The following MYO1D variants were observed in gnomAD, a reference collection of about 807,000 sequenced individuals.
MYO1D encodes unconventional myosin-Id.
Under a neutral mutation model 122.0 loss-of-function variants are expected in MYO1D, and 83 were observed. The ratio of observed to expected loss-of-function variants is 0.68; its 90% CI spans 0.57 to 0.82. The LOEUF is 0.82. Among genes scored for constraint, MYO1D ranks in the 40% least tolerant of loss-of-function variants. The probability of loss-of-function intolerance (pLI) is 0.00; values close to 1 mark genes in which losing one functional copy is unlikely to be tolerated. For missense variants in MYO1D, 1,157 were observed against 1,269.5 expected (o/e 0.91, Z 1.35); for synonymous variants, 464 against 446.9 (o/e 1.04, Z -0.48).
At chr17:32,803,996 G>A (rs949067658) in intron 1 of MYO1D, among the ~76,000 whole-genome samples, 7 of 152,196 alleles carry the variant, frequency 4.6e-5, no homozygotes, top group Non-Finnish European at 1.5e-5. Context: ...CTGAATGGAA[G>A]ATTTATCTAG....
intron 21 of MYO1D, among the ~76,000 whole-genome samples, chr17:32,536,153 C>T (rs1468071907): frequency 2.6e-5 from 4 of 152,194 alleles, no homozygotes. Context: ...CTGCCTCAGC[C>T]TCCCGGAGTA....
At chr17:32,534,442 G>A (rs1170427299) in intron 21 of MYO1D, among the ~76,000 whole-genome samples, 1 of 152,070 alleles carries the variant, frequency 6.6e-6, no homozygotes, top group East Asian at 1.9e-4. Flanking sequence ...TAAAGTGTTG[G>A]GTTTACAGGT....
At chr17:32,560,772 G>T (rs559332137) in intron 21 of MYO1D, among the ~76,000 whole-genome samples, 1 of 149,400 alleles carries the variant, frequency 6.7e-6, no homozygotes, top group Non-Finnish European at 1.5e-5. Flanking sequence ...GGCGTGTGCC[G>T]TCATTCCTAG....
intron 1 of MYO1D, among the ~76,000 whole-genome samples, chr17:32,838,789 T>G (rs988641576): frequency 6.6e-6 from 1 of 152,168 alleles, no homozygotes; most frequent in African/African-American, 2.4e-5. Flanking sequence ...GGAGCCCACT[T>G]AAGGGACTAT....
chr17:32,738,056 T>C (rs1247433423), intron 14 of MYO1D, among the ~76,000 whole-genome samples, 197 bp downstream of exon 14: 2 of 152,168 alleles, frequency 1.3e-5, no homozygotes, highest in Non-Finnish European at 2.9e-5. Flanking sequence ...CAGATACTAA[T>C]CTAGGACACC....
chr17:32,733,299 T>C (rs1292104539), intron 14 of MYO1D, among the ~76,000 whole-genome samples: 1 of 152,210 alleles, frequency 6.6e-6, no homozygotes, highest in Non-Finnish European at 1.5e-5. Context: ...GATAGTTTCC[T>C]AAGGAAAACA....
At chr17:32,723,130 C>G (rs1161238918) in intron 14 of MYO1D, among the ~76,000 whole-genome samples, 1 of 152,084 alleles carries the variant, frequency 6.6e-6, no homozygotes, top group African/African-American at 2.4e-5. Flanking sequence ...CACCCTGATT[C>G]CAGGGGGACA....
At chr17:32,651,514 T>A (rs1043742156) in intron 19 of MYO1D, among the ~76,000 whole-genome samples, 3 of 152,112 alleles carry the variant, frequency 2.0e-5, no homozygotes, top group African/African-American at 7.2e-5. Flanking sequence ...GACTGGAAAG[T>A]CTCTCAAGAC....
At chr17:32,665,802 C>T (rs948092616) in intron 16 of MYO1D, among the ~76,000 whole-genome samples, 2 of 152,164 alleles carry the variant, frequency 1.3e-5, no homozygotes, top group African/African-American at 4.8e-5. Flanking sequence ...GGATGGGGAA[C>T]TTCACTACAG....
In MYO1D at chr17:32,654,632, A is replaced by G. The variant is rs1359573238; in HGVS notation, c.2346-11T>C. 1.9e-6 allele frequency: 3 copies of G among 1,592,674 alleles called. No individual in the cohort carries two copies. The highest frequency in any genetic ancestry group is 2.6e-6 in the Non-Finnish European group (3 of 1,170,546). ...TGGGATGCTCTCCATCTACAAGTAA[A>G]TAGACAACATGTATTAGACTTTAGA... is the stretch of plus-strand genomic sequence containing the variant. On this transcript the variant is annotated splice_polypyrimidine_tract_variant and intron_variant, in intron 17 of 21. Transcript: ENST00000318217.
intron 1 of MYO1D, among the ~76,000 whole-genome samples, chr17:32,781,340 C>T (rs559567931): frequency 6.6e-6 from 1 of 152,116 alleles, no homozygotes; most frequent in East Asian, 1.9e-4. Context: ...TCCATGGTGT[C>T]GATATATCAT....
chr17:32,518,146 C>T (rs1909964335), intron 21 of MYO1D, among the ~76,000 whole-genome samples: 2 of 152,256 alleles, frequency 1.3e-5, no homozygotes, highest in South Asian at 2.1e-4. Context: ...CTGGACAGCA[C>T]CTGGTCCACC....
At chr17:32,555,459 T>A (rs573833565) in intron 21 of MYO1D, among the ~76,000 whole-genome samples, 2 of 152,190 alleles carry the variant, frequency 1.3e-5, no homozygotes, top group South Asian at 2.1e-4. Context: ...TTTTTTTTAA[T>A]GTACTTGTGT....
At chr17:32,717,777 A>G (rs1235988926) in intron 15 of MYO1D, among the ~76,000 whole-genome samples, 2 of 152,236 alleles carry the variant, frequency 1.3e-5, no homozygotes, top group African/African-American at 4.8e-5. Flanking sequence ...CTTGGGAGCT[A>G]TAATTATTTT....
In MYO1D at chr17:32,738,374, A is replaced by G. The variant is rs749640711; in HGVS notation, c.1625T>C (p.Val542Ala). 1.3e-6 allele frequency: 2 copies of G among 1,596,254 alleles called. No individual in the cohort carries two copies. The highest frequency in any genetic ancestry group is 1.7e-6 in the Non-Finnish European group (2 of 1,171,762). The change falls in exon 14 of 22, where the codon GTG (valine) becomes GCG (alanine). Residue 542 changes from valine (V) to alanine (A), a missense_variant. Physicochemically the swap from Val to Ala is moderately conservative, Grantham distance 64 (BLOSUM62 0). Coordinates refer to ENST00000318217, the MANE Select transcript of MYO1D (RefSeq NM_015194.3). ...KRLMYNSSNPVLKNMWPEGKL... is the reference protein window; with the variant it reads ...KRLMYNSSNPALKNMWPEGKL... ...GCCTTCAGGCCACATATTCTTGAGCACAGGATTTGAACTGAGAAGCACAGA... is the reference window on the plus strand; with the variant it reads ...GCCTTCAGGCCACATATTCTTGAGCGCAGGATTTGAACTGAGAAGCACAGA...
intron 1 of MYO1D, among the ~76,000 whole-genome samples, chr17:32,786,824 G>GA (rs1403313319): frequency 2.0e-5 from 3 of 151,532 alleles, no homozygotes; most frequent in African/African-American, 2.4e-5. Context: ...CGTCAAAAAA[G>GA]AAAAAAGACG....
At position 32,494,636 on chromosome 17, in the gene MYO1D, G is replaced by A. The variant is rs564873492; in HGVS notation, c.*123C>T. On this transcript the variant is annotated 3_prime_UTR_variant, in exon 22 of 22. Coordinates refer to ENST00000318217, the MANE Select transcript of MYO1D (RefSeq NM_015194.3). Reference sequence around the variant, plus strand: ...ACCAGGAAGGAAATCTTACAGGGGCGGGGCTCCTCTGGGAGGGGCCCTCGC... The same window carrying A: ...ACCAGGAAGGAAATCTTACAGGGGCAGGGCTCCTCTGGGAGGGGCCCTCGC... The A allele has an allele frequency of 3.2e-4, 363 of 1,130,408 alleles. No homozygotes were observed. Among genetic ancestry groups the A allele is most frequent in the Middle Eastern group, 6.0e-4 (2 of 3,340 alleles). The allele number at this position is 1,130,408 out of a possible 1,614,324, so 70.0% of individuals were successfully genotyped here. A position where few individuals can be genotyped will look rare whatever the true frequency, so the allele number is the denominator to read the frequency against.
At chr17:32,861,898 G>C (rs1598163323) in intron 1 of MYO1D, among the ~76,000 whole-genome samples, 1 of 152,248 alleles carries the variant, frequency 6.6e-6, no homozygotes, top group East Asian at 1.9e-4. Context: ...CACGCCTGTA[G>C]TCCCCGCTAC....
intron 16 of MYO1D, among the ~76,000 whole-genome samples, chr17:32,665,268 C>T (rs989791031): frequency 5.3e-5 from 8 of 152,046 alleles, no homozygotes; most frequent in Non-Finnish European, 1.2e-4. Flanking sequence ...CTTTTTCCCC[C>T]AGCACTCAAT....
Sources: gnomAD v4.1 joint callset for allele counts (sites outside exome capture counted in the v4.1 genomes callset) on GRCh38, gnomAD v4.1.1 for gene constraint, MANE v1.5 for transcripts, NCBI Gene and HGNC (gene_info 2026-07-23, HGNC 2026-07-21) for gene names.